The following GRAMD1B variants were observed in gnomAD, a reference collection of about 807,000 sequenced individuals.
GRAMD1B encodes the protein protein Aster-B.
In GRAMD1B, 37 loss-of-function variants were observed where a neutral mutation model predicts 99.7. The observed-to-expected ratio is 0.37, with a 90% CI of 0.29 to 0.49. The LOEUF (loss-of-function observed/expected upper bound fraction) is 0.49, where lower values mean the gene tolerates loss of function less well. Ranked by LOEUF, GRAMD1B falls within the 20% of genes least tolerant of loss-of-function variation. The probability of loss-of-function intolerance (pLI) is 0.98; values close to 1 mark genes in which losing one functional copy is unlikely to be tolerated. For missense variants in GRAMD1B, 888 were observed against 1,009.2 expected (o/e 0.88, Z 1.63); for synonymous variants, 427 against 387.6 (o/e 1.10, Z -1.19).
intron 1 of GRAMD1B, among the ~76,000 whole-genome samples, chr11:123,366,632 T>C (rs1946329237): frequency 6.6e-6 from 1 of 152,208 alleles, no homozygotes; most frequent in South Asian, 2.1e-4. Context: ...CAAACAAACA[T>C]GAAATAGGAG....
At chr11:123,476,720 A>G (rs772483560) in intron 1 of GRAMD1B, among the ~76,000 whole-genome samples, 6 of 152,192 alleles carry the variant, frequency 3.9e-5, no homozygotes, top group Non-Finnish European at 7.3e-5. Flanking sequence ...TCTTTACAGT[A>G]CTGTCTCCTA....
chr11:123,616,406 T>G (rs1954389035), intron 17 of GRAMD1B, among the ~76,000 whole-genome samples: 1 of 152,256 alleles, frequency 6.6e-6, no homozygotes, highest in Non-Finnish European at 1.5e-5. Flanking sequence ...TTCATGCCAT[T>G]GTTCTGTTAA....
At chr11:123,588,826 C>G (rs972943320) in intron 4 of GRAMD1B, among the ~76,000 whole-genome samples, 1 of 152,028 alleles carries the variant, frequency 6.6e-6, no homozygotes, top group South Asian at 2.1e-4. Context: ...TTTCTTAGCA[C>G]CTGATACAGT....
chr11:123,613,459 C>T lies in GRAMD1B; in HGVS notation c.2028C>T (p.Ser676=), dbSNP rs759545068. 1.7e-5 allele frequency: 28 copies of T among 1,607,062 alleles called. No individual in the cohort carries two copies. The highest frequency in any genetic ancestry group is 2.2e-5 in the South Asian group (2 of 89,560). ...GLEDYFRHLE[S]ELAKTESTYL... is the part of the protein sequence containing the mutation. ...TGGTCCTTTTGTCTCTGATAGAGAG[C>T]GAGCTGGCCAAAACGGAGAGCACTT... The change falls in exon 16 of 20, where the codon AGC becomes AGT. Residue 676 remains serine (S), a synonymous_variant. Transcript: ENST00000635736.
chr11:123,375,006 T>A (rs910570871), intron 1 of GRAMD1B, among the ~76,000 whole-genome samples: 1 of 152,220 alleles, frequency 6.6e-6, no homozygotes, highest in Non-Finnish European at 1.5e-5. Context: ...ATCTTTTACT[T>A]ATTTTTTTAC....
In GRAMD1B at chr11:123,431,179, T is replaced by G. The variant is rs1388102325; in HGVS notation, c.374+13T>G. ...GCAGTGAAAGCAGGTACGTCCCCGT[T>G]CCGCCCGTCTCCTTCCCTTCCCTCC... On this transcript the variant is annotated intron_variant, in intron 1 of 19. Transcript: ENST00000635736. The G allele has an allele frequency of 1.4e-6, 1 of 690,442 alleles. No homozygotes were observed. The highest frequency in any genetic ancestry group is 2.6e-6 in the Non-Finnish European group (1 of 377,674). The allele number at this position is 690,442 out of a possible 1,614,324, so 42.8% of individuals were successfully genotyped here. A position where few individuals can be genotyped will look rare whatever the true frequency, so the allele number is the denominator to read the frequency against.
chr11:123,477,749 T>C (rs1480247468), intron 1 of GRAMD1B, among the ~76,000 whole-genome samples: 4 of 146,034 alleles, frequency 2.7e-5, no homozygotes, highest in Non-Finnish European at 4.5e-5. Context: ...CCTTTCCTTT[T>C]CCCTTTCCCT....
intron 1 of GRAMD1B, among the ~76,000 whole-genome samples, chr11:123,369,516 G>A (rs1946447505): frequency 1.3e-5 from 2 of 152,060 alleles, no homozygotes; most frequent in African/African-American, 4.8e-5. Flanking sequence ...AATATTCATG[G>A]TCCGCCAAGC....
chr11:123,584,676 G>T (rs1260557551), intron 4 of GRAMD1B, among the ~76,000 whole-genome samples: 2 of 152,034 alleles, frequency 1.3e-5, no homozygotes, highest in African/African-American at 4.8e-5. Flanking sequence ...GCAGCCTGGG[G>T]GCCTGAACTT....
intron 1 of GRAMD1B, among the ~76,000 whole-genome samples, chr11:123,400,380 G>T (rs1947617352): frequency 6.6e-6 from 1 of 152,162 alleles, no homozygotes; most frequent in African/African-American, 2.4e-5. Context: ...GGGAGGCTGA[G>T]ACAGGAAAAA....
At chr11:123,470,461 A>G (rs1950956623) in intron 1 of GRAMD1B, among the ~76,000 whole-genome samples, 1 of 151,712 alleles carries the variant, frequency 6.6e-6, no homozygotes, top group South Asian at 2.1e-4. Context: ...CTAGGATTAC[A>G]GGCATGAGCA....
intron 1 of GRAMD1B, among the ~76,000 whole-genome samples, chr11:123,379,601 G>A (rs1946805306): frequency 6.6e-6 from 1 of 152,106 alleles, no homozygotes. Context: ...TATTTGGGTT[G>A]TTTTTACTTT....
At chr11:123,487,395 A>G (rs1937946398) in intron 2 of GRAMD1B, among the ~76,000 whole-genome samples, 1 of 152,208 alleles carries the variant, frequency 6.6e-6, no homozygotes, top group African/African-American at 2.4e-5. Context: ...GTACATAAGC[A>G]TGGAGGCGGG....
Position 123,548,319 on chromosome 11 carries a change from T to TACACACACACAC in GRAMD1B, c.453-29047_453-29046insCACACACACACA, listed in dbSNP as rs1276539105. On this transcript the variant is annotated intron_variant, in intron 2 of 19. Coordinates refer to ENST00000635736, the MANE Select transcript of GRAMD1B (RefSeq NM_001387025.1). ...ATATATATATATATATATATATATA[T>TACACACACACAC]ATATATACACACACACACACACACA... Among the ~76,000 whole-genome samples the TACACACACACAC allele has an allele frequency of 1.5e-3, 159 of 104,980 alleles. 1 individual carries two copies. The highest frequency in any genetic ancestry group is 4.0e-3 in the African/African-American group (81 of 20,364). The allele number at this position is 104,980 out of a possible 152,430, so 68.9% of individuals were successfully genotyped here. A position where few individuals can be genotyped will look rare whatever the true frequency, so the allele number is the denominator to read the frequency against.
At chr11:123,438,057 C>A (rs149948664) in intron 1 of GRAMD1B, among the ~76,000 whole-genome samples, 2 of 152,184 alleles carry the variant, frequency 1.3e-5, no homozygotes, top group South Asian at 4.1e-4. Flanking sequence ...AGTAAGTGAT[C>A]GGTGCTGGAT....
rs529982716 is a variant in GRAMD1B at position 123,412,543 on chromosome 11, G to A, written c.-176+53744G>A. ...ATGCTCAGGTCTGCCTAACTCCAAT[G>A]CCCCCACTCCTCCAAACTACAACAC... On this transcript the variant is annotated intron_variant, in intron 1 of 20. Coordinates refer to the GRAMD1B transcript ENST00000638157. 2.0e-4 allele frequency among the ~76,000 whole-genome samples: 30 copies of A among 152,248 alleles called. 1 individual carries two copies. In the South Asian group the frequency reaches 5.2e-3, roughly 26 times the overall value.
chr11:123,360,902 C>T (rs1462641214), intron 1 of GRAMD1B, among the ~76,000 whole-genome samples: 2 of 151,078 alleles, frequency 1.3e-5, no homozygotes, highest in South Asian at 2.1e-4. Flanking sequence ...CTGCAACCTC[C>T]GCCTTCCGGT....
At chr11:123,608,428 A>C in intron 11 of GRAMD1B, 1 of 1,313,742 alleles carries the variant, frequency 7.6e-7, no homozygotes, top group South Asian at 1.4e-5. Context: ...GTAAAGAAGG[A>C]ATGGGTAGTG....
intron 1 of GRAMD1B, among the ~76,000 whole-genome samples, chr11:123,452,249 A>G (rs548571445): frequency 3.3e-5 from 5 of 152,228 alleles, no homozygotes; most frequent in Non-Finnish European, 7.3e-5. Context: ...AAAACATATA[A>G]TAAAAATGTG....
Sources: allele counts gnomAD v4.1 joint callset (sites outside exome capture counted in the v4.1 genomes callset), GRCh38; gene constraint gnomAD v4.1.1; transcripts MANE v1.5; gene names NCBI Gene and HGNC (gene_info 2026-07-23, HGNC 2026-07-21).